MRAP2: variants seen among roughly 807,000 people sequenced by gnomAD.
The protein encoded by MRAP2 is melanocortin-2 receptor accessory protein 2.
MRAP2 carries 20 observed loss-of-function variants against 17.4 expected under a neutral mutation model. That is an observed-to-expected ratio of 1.15 (90% CI 0.81 to 1.67). MRAP2 has a LOEUF of 1.67. MRAP2 is among the 40% of genes most tolerant of loss of function. The pLI is 0.00. For synonymous variants in MRAP2, 96 were observed against 88.4 expected (o/e 1.09, Z -0.48); for missense variants, 238 against 240.0 (o/e 0.99, Z 0.05).
At position 84,089,812 on chromosome 6, in the gene MRAP2, G is replaced by GT. The variant is rs201774368; in HGVS notation, c.*342dup. On this transcript the variant is annotated 3_prime_UTR_variant, in exon 4 of 4. Coordinates refer to ENST00000257776, the MANE Select transcript of MRAP2 (RefSeq NM_138409.4). Reference sequence around the variant, plus strand: ...TAAACTTTATTAAAACATGAGTTTTGTTTTTTTTTTTGCTATTTTTTTTAA... The same window carrying GT: ...TAAACTTTATTAAAACATGAGTTTTGTTTTTTTTTTTTGCTATTTTTTTTAA... The GT allele has an allele frequency of 0.049, 6,593 of 134,562 alleles. 9 individuals carry two copies. The highest frequency in any genetic ancestry group is 0.055 in the South Asian group (282 of 5,086). 8.3% of individuals were successfully genotyped at this position (134,562 alleles called of 1,614,324 possible). A position where few individuals can be genotyped will look rare whatever the true frequency, so the allele number is the denominator to read the frequency against.
the MRAP2 span, among the ~76,000 whole-genome samples, chr6:84,097,347 T>A: frequency 6.6e-6 from 1 of 152,256 alleles, no homozygotes; most frequent in Non-Finnish European, 1.5e-5. Flanking sequence ...CTTACGATTG[T>A]GGCTTTAAGT....
intron 2 of MRAP2, among the ~76,000 whole-genome samples, chr6:84,061,335 G>A (rs1025155902): frequency 9.9e-5 from 15 of 151,850 alleles, no homozygotes; most frequent in African/African-American, 3.6e-4. Flanking sequence ...GCTTCTTAGT[G>A]TAGGCCAAAA....
chr6:84,124,632 T>G, the MRAP2 span: 1 of 211,054 alleles, frequency 4.7e-6, no homozygotes. Context: ...GGGTACAGTG[T>G]TTAATATTTG....
intron 3 of MRAP2, among the ~76,000 whole-genome samples, chr6:84,079,552 C>T (rs2099498444): frequency 1.3e-5 from 2 of 152,170 alleles, no homozygotes; most frequent in Non-Finnish European, 2.9e-5. Context: ...GGTATGTAAA[C>T]TTTACCCATT....
the MRAP2 span, chr6:84,125,120 C>A: frequency 3.7e-6 from 6 of 1,613,512 alleles, no homozygotes; most frequent in Non-Finnish European, 5.1e-6. Context: ...GGCACAACCA[C>A]TCCTTGCCGG....
rs540028956 is a variant in MRAP2, at chr6:84,077,717, G to A, written c.228-11374G>A. 1.3e-3 allele frequency among the ~76,000 whole-genome samples: 196 copies of A among 152,176 alleles called. 1 individual carries two copies. Among genetic ancestry groups the A allele is most frequent in the African/African-American group, 3.9e-3 (163 of 41,520 alleles). On this transcript the variant is annotated intron_variant, in intron 3 of 3. Coordinates refer to ENST00000257776, the MANE Select transcript of MRAP2 (RefSeq NM_138409.4). ...AGCATGTAGTAATATAGTGATTTTT[G>A]TATAAGGTCAATTGAAAGAAAAATC...
chr6:84,033,931 G>C (rs2099485241), intron 1 of MRAP2, 48 bp downstream of exon 1: 1 of 985,046 alleles, frequency 1.0e-6, no homozygotes, highest in Non-Finnish European at 1.2e-6. Context: ...AAGCCCGGGC[G>C]CTGGGTGCGG....
At chr6:84,064,904 C>T (rs2099494243) in intron 3 of MRAP2, among the ~76,000 whole-genome samples, 2 of 152,214 alleles carry the variant, frequency 1.3e-5, no homozygotes, top group African/African-American at 4.8e-5. Flanking sequence ...CTTCAGCCTG[C>T]ACTTGAACTA....
At chr6:84,119,410 T>C in the MRAP2 span, among the ~76,000 whole-genome samples, 1 of 152,242 alleles carries the variant, frequency 6.6e-6, no homozygotes, top group Admixed American at 6.5e-5. Flanking sequence ...GTAGACACCC[T>C]GTCAGCCTGG....
the MRAP2 span, among the ~76,000 whole-genome samples, chr6:84,102,580 A>C: frequency 6.6e-6 from 1 of 152,226 alleles, no homozygotes; most frequent in African/African-American, 2.4e-5. Flanking sequence ...TTTTAGCCCA[A>C]CAAGAACTGT....
chr6:84,086,356 G>A (rs978493945), intron 3 of MRAP2, among the ~76,000 whole-genome samples: 6 of 152,120 alleles, frequency 3.9e-5, no homozygotes, highest in African/African-American at 1.4e-4. Flanking sequence ...ATTTTTTTGT[G>A]CAAGGTTATG....
the MRAP2 span, among the ~76,000 whole-genome samples, chr6:84,115,716 C>T: frequency 4.6e-5 from 7 of 152,286 alleles, no homozygotes; most frequent in South Asian, 4.1e-4. Context: ...ATGTAGGCAC[C>T]GCAGGGAATC....
chr6:84,134,814 C>A, the MRAP2 span, among the ~76,000 whole-genome samples: 5 of 151,998 alleles, frequency 3.3e-5, no homozygotes, highest in South Asian at 2.1e-4. Flanking sequence ...GCCTCCCCCC[C>A]ACAGATTAAA....
the MRAP2 span, among the ~76,000 whole-genome samples, chr6:84,132,958 T>C: frequency 6.6e-6 from 1 of 152,050 alleles, no homozygotes; most frequent in Non-Finnish European, 1.5e-5. Flanking sequence ...ATTTTCAGCT[T>C]TTCTGCTCTG....
chr6:84,067,331 G>T (rs1487946910), intron 3 of MRAP2, among the ~76,000 whole-genome samples: 1 of 152,156 alleles, frequency 6.6e-6, no homozygotes, highest in Non-Finnish European at 1.5e-5. Context: ...GAATTGTGCT[G>T]CTATAAGCAT....
chr6:84,078,357 A>G (rs2099498128), intron 3 of MRAP2, among the ~76,000 whole-genome samples: 1 of 152,244 alleles, frequency 6.6e-6, no homozygotes, highest in South Asian at 2.1e-4. Context: ...AGATAAACCA[A>G]TAGCCAATAA....
chr6:84,036,658 T>G (rs374076718), intron 1 of MRAP2, among the ~76,000 whole-genome samples: 2 of 152,130 alleles, frequency 1.3e-5, no homozygotes, highest in African/African-American at 4.8e-5. Context: ...TTCCACAGTG[T>G]GGAAGGGGAC....
intron 1 of MRAP2, among the ~76,000 whole-genome samples, chr6:84,046,174 A>G (rs2099488981): frequency 6.6e-6 from 1 of 152,172 alleles, no homozygotes; most frequent in African/African-American, 2.4e-5. Flanking sequence ...GGTGTTTAAG[A>G]TAACTGTCTA....
intron 1 of MRAP2, chr6:84,052,913 T>C (rs1245108006): frequency 7.6e-6 from 3 of 393,478 alleles, no homozygotes; most frequent in African/African-American, 6.5e-5. Context: ...AATCCATCCC[T>C]AAATAGTTCG....
Sources: gnomAD v4.1 joint callset for allele counts (sites outside exome capture counted in the v4.1 genomes callset) on GRCh38, gnomAD v4.1.1 for gene constraint, MANE v1.5 for transcripts, NCBI Gene and HGNC (gene_info 2026-07-23, HGNC 2026-07-21) for gene names.